Variants in FAM110B observed in about 807,000 individuals in gnomAD.
FAM110B encodes family with sequence similarity 110 member B.
In FAM110B, 6 loss-of-function variants were observed where a neutral mutation model predicts 20.4. The ratio of observed to expected loss-of-function variants is 0.29; its 90% CI spans 0.16 to 0.58. FAM110B has a LOEUF of 0.58. Among genes scored for constraint, FAM110B ranks in the 20% least tolerant of loss-of-function variants. The probability of loss-of-function intolerance (pLI) is 0.90; values close to 1 mark genes in which losing one functional copy is unlikely to be tolerated. For missense variants in FAM110B, 434 were observed against 498.2 expected (o/e 0.87, Z 1.23); for synonymous variants, 226 against 214.1 (o/e 1.06, Z -0.49).
At chr8:58,089,870 T>A (rs540806894) in intron 3 of FAM110B, among the ~76,000 whole-genome samples, 19 of 152,356 alleles carry the variant, frequency 1.2e-4, no homozygotes, top group African/African-American at 4.3e-4. Flanking sequence ...TTCTAGAAAA[T>A]TGTATCCTTT....
intron 3 of FAM110B, among the ~76,000 whole-genome samples, chr8:58,139,030 T>C (rs1265813456): frequency 1.3e-5 from 2 of 152,222 alleles, no homozygotes; most frequent in Non-Finnish European, 2.9e-5. Context: ...GGAGAAATGA[T>C]TTACTCATCT....
chr8:58,058,319 T>C (rs1256213740), intron 2 of FAM110B, among the ~76,000 whole-genome samples: 3 of 133,392 alleles, frequency 2.2e-5, no homozygotes, highest in Non-Finnish European at 4.8e-5. Flanking sequence ...TTAAGAACGA[T>C]ATCAGAGACA....
intron 3 of FAM110B, among the ~76,000 whole-genome samples, chr8:58,081,494 A>G (rs1806189995): frequency 6.6e-6 from 1 of 152,226 alleles, no homozygotes; most frequent in African/African-American, 2.4e-5. Flanking sequence ...GGCGTGAGCC[A>G]CCATACCTGG....
At chr8:58,030,792 G>A (rs567881238) in intron 1 of FAM110B, among the ~76,000 whole-genome samples, 10 of 152,230 alleles carry the variant, frequency 6.6e-5, no homozygotes, top group East Asian at 5.8e-4. Flanking sequence ...AGGAGAAGAC[G>A]GTTAAGATTT....
intron 3 of FAM110B, among the ~76,000 whole-genome samples, chr8:58,143,152 C>T (rs1803778271): frequency 6.6e-6 from 1 of 152,264 alleles, no homozygotes; most frequent in East Asian, 1.9e-4. Flanking sequence ...GTAAATATTA[C>T]AAGAGACAGC....
intron 1 of FAM110B, among the ~76,000 whole-genome samples, chr8:57,995,390 C>T (rs539019056): frequency 2.7e-4 from 41 of 152,268 alleles, no homozygotes; most frequent in Admixed American, 2.6e-3. Context: ...TTTGGTTACC[C>T]CCTCCAGCTC....
At chr8:58,019,868 A>AT (rs1247678857) in intron 1 of FAM110B, among the ~76,000 whole-genome samples, 2 of 151,596 alleles carry the variant, frequency 1.3e-5, no homozygotes, top group East Asian at 1.9e-4. Flanking sequence ...TTCTTGGTTG[A>AT]TTTTTTTCCA....
At chr8:58,111,078 G>A (rs1807045803) in intron 3 of FAM110B, among the ~76,000 whole-genome samples, 1 of 151,958 alleles carries the variant, frequency 6.6e-6, no homozygotes, top group East Asian at 1.9e-4. Flanking sequence ...GAAAAATATT[G>A]GACTTCAGAA....
At chr8:58,029,188 A>G (rs1207426697) in intron 1 of FAM110B, among the ~76,000 whole-genome samples, 1 of 152,224 alleles carries the variant, frequency 6.6e-6, no homozygotes, top group Non-Finnish European at 1.5e-5. Flanking sequence ...ATCATTTTGA[A>G]ATTCTACTTT....
At chr8:58,119,787 C>T (rs1261729605) in intron 3 of FAM110B, among the ~76,000 whole-genome samples, 1 of 152,192 alleles carries the variant, frequency 6.6e-6, no homozygotes, top group Non-Finnish European at 1.5e-5. Flanking sequence ...CTGCTTGTGG[C>T]AGTTCTTTGG....
At position 58,103,001 on chromosome 8, in the gene FAM110B, T is replaced by TG. The variant is rs1204675255; in HGVS notation, c.-325+27379dup. ...GTATTATATAGTACAATGCTTGTTA[T>TG]GAAAAAAAAAAAAAAAAAAAAAAGG... is the stretch of plus-strand genomic sequence containing the variant. On this transcript the variant is annotated intron_variant, in intron 3 of 3. Coordinates refer to ENST00000519262, the MANE Select transcript of FAM110B (RefSeq NM_001377989.1). 1.1e-4 allele frequency among the ~76,000 whole-genome samples: 6 copies of TG among 57,050 alleles called. No homozygotes were observed. In the East Asian group the frequency reaches 1.8e-3, roughly 18 times the overall value. The allele number at this position is 57,050 out of a possible 152,430, so 37.4% of individuals were successfully genotyped here.
chr8:58,098,796 C>T (rs369264418), intron 3 of FAM110B: 1 of 152,408 alleles, frequency 6.6e-6, no homozygotes, highest in East Asian at 1.9e-4. Flanking sequence ...TCCCTGGCTC[C>T]TTGTACTTCC....
chr8:58,108,342 G>A (rs141201546), intron 3 of FAM110B, among the ~76,000 whole-genome samples: 10 of 152,318 alleles, frequency 6.6e-5, no homozygotes, highest in Non-Finnish European at 1.5e-4. Flanking sequence ...ATAGGAAGAA[G>A]GAGGAACATA....
At chr8:58,090,311 C>T (rs903083563) in intron 3 of FAM110B, among the ~76,000 whole-genome samples, 6 of 152,226 alleles carry the variant, frequency 3.9e-5, no homozygotes, top group South Asian at 2.1e-4. Flanking sequence ...AGGCGCATGC[C>T]GCCACACCTG....
intron 1 of FAM110B, among the ~76,000 whole-genome samples, chr8:58,005,754 C>T (rs1026130477): frequency 6.6e-6 from 1 of 152,218 alleles, no homozygotes; most frequent in African/African-American, 2.4e-5. Context: ...TTATCCCCAA[C>T]AAAACTTACA....
intron 3 of FAM110B, among the ~76,000 whole-genome samples, chr8:58,082,317 A>G (rs1006683918): frequency 6.6e-6 from 1 of 152,210 alleles, no homozygotes; most frequent in Non-Finnish European, 1.5e-5. Context: ...ATCTAGGGGA[A>G]AATAACTGCA....
chr8:58,023,949 T>C (rs2150570458), intron 1 of FAM110B, among the ~76,000 whole-genome samples: 1 of 152,346 alleles, frequency 6.6e-6, no homozygotes, highest in East Asian at 1.9e-4. Context: ...TGTATTTATC[T>C]TTAATTTGCA....
chr8:58,071,268 C>T (rs925832476), intron 2 of FAM110B, among the ~76,000 whole-genome samples: 16 of 152,144 alleles, frequency 1.1e-4, no homozygotes, highest in Admixed American at 9.2e-4. Context: ...AGCGTCCCTT[C>T]TCCATAGTGT....
rs182715684 is a variant in FAM110B, at chr8:58,042,054, T to C, written c.-414+10351T>C. Among the ~76,000 whole-genome samples, 464 of 152,356 alleles carry C rather than the reference T, an allele frequency of 3.0e-3. 2 individuals are homozygous for C. The highest frequency in any genetic ancestry group is 0.01 in the African/African-American group (428 of 41,584). ...TTTACCATATAAAGGCTGAATAAAA[T>C]AGATTTTGATTTCTCTGTTTTCATA... On this transcript the variant is annotated intron_variant, in intron 2 of 3. Transcript: ENST00000519262.
Sources: allele counts gnomAD v4.1 joint callset (sites outside exome capture counted in the v4.1 genomes callset), GRCh38; gene constraint gnomAD v4.1.1; transcripts MANE v1.5; gene names NCBI Gene and HGNC (gene_info 2026-07-23, HGNC 2026-07-21).